Variants in ITPRID1 observed in about 807,000 individuals in gnomAD.
ITPRID1 encodes ITPR interacting domain containing 1.
Under a neutral mutation model 95.4 loss-of-function variants are expected in ITPRID1, and 96 were observed. The ratio of observed to expected loss-of-function variants is 1.01; its 90% CI spans 0.85 to 1.19. The LOEUF (loss-of-function observed/expected upper bound fraction) is 1.19. ITPRID1 is among the 50% of genes most tolerant of loss of function. The pLI is 0.00. For synonymous variants in ITPRID1, 510 were observed against 453.6 expected, an observed-to-expected ratio of 1.12 and a Z score of -1.58; for missense variants, 1,339 against 1,252.9, an observed-to-expected ratio of 1.07 and a Z score of -1.04.
At chr7:31,542,796 T>C (rs1290156570) in intron 1 of ITPRID1, among the ~76,000 whole-genome samples, 1 of 152,170 alleles carries the variant, frequency 6.6e-6, no homozygotes, top group Non-Finnish European at 1.5e-5. Context: ...ATTGCTTGAT[T>C]AGTATATGCA....
intron 9 of ITPRID1, among the ~76,000 whole-genome samples, chr7:31,582,418 T>C (rs1785436289): frequency 6.6e-6 from 1 of 152,146 alleles, no homozygotes; most frequent in East Asian, 1.9e-4. Flanking sequence ...TGTTTTCTTA[T>C]CTTCTTTTTA....
rs955520960 is a variant in ITPRID1, at chr7:31,653,600, T to G, written c.*771T>G. 2.0e-5 allele frequency: 3 copies of G among 152,064 alleles called. No individual in the cohort carries two copies. The highest frequency in any genetic ancestry group is 4.4e-5 in the Non-Finnish European group (3 of 68,004). 9.4% of individuals were successfully genotyped at this position (152,064 alleles called of 1,614,324 possible). Reference sequence around the variant, plus strand: ...CACAAGGAATTTCCCAGTGGGCAAATTGTGAGGGAGGTATTTAGCTTTTAA... The same window carrying G: ...CACAAGGAATTTCCCAGTGGGCAAAGTGTGAGGGAGGTATTTAGCTTTTAA... On this transcript the variant is annotated 3_prime_UTR_variant, in exon 15 of 15. Transcript: ENST00000615280.
chr7:31,599,762 C>T (rs761523396), intron 10 of ITPRID1, among the ~76,000 whole-genome samples: 3 of 150,620 alleles, frequency 2.0e-5, no homozygotes, highest in African/African-American at 4.9e-5. Flanking sequence ...AGTGCAGTGG[C>T]GCGATCTCAG....
At chr7:31,598,398 CTTTT>C (rs869161999) in intron 10 of ITPRID1, among the ~76,000 whole-genome samples, 2 of 106,826 alleles carry the variant, frequency 1.9e-5, no homozygotes, top group Admixed American at 1.0e-4. Context: ...TTTTTTTTTT[CTTTT>C]TTTTTTTTTT....
At chr7:31,548,655 G>A (rs760733020) in intron 1 of ITPRID1, among the ~76,000 whole-genome samples, 1 of 152,118 alleles carries the variant, frequency 6.6e-6, no homozygotes, top group Non-Finnish European at 1.5e-5. Context: ...ACTGCCACAA[G>A]AGCATGGCCC....
At chr7:31,549,565 C>T (rs1176504761) in intron 2 of ITPRID1, 66 bp downstream of exon 2, 1 of 1,170,828 alleles carries the variant, frequency 8.5e-7, no homozygotes, top group African/African-American at 1.5e-5. Flanking sequence ...TTATTTCATA[C>T]TCATTATAGA....
intron 5 of ITPRID1, among the ~76,000 whole-genome samples, chr7:31,561,566 G>T (rs943378783): frequency 1.3e-5 from 2 of 152,216 alleles, no homozygotes; most frequent in Admixed American, 6.5e-5. Flanking sequence ...AACTGCAAAA[G>T]GTTGGACAGC....
chr7:31,523,624 G>A (rs939371459), intron 1 of ITPRID1, among the ~76,000 whole-genome samples: 1 of 152,334 alleles, frequency 6.6e-6, no homozygotes, highest in East Asian at 1.9e-4. Context: ...TCATAATAGT[G>A]AGTGAATTCT....
chr7:31,520,954 A>G (rs1183158910), intron 1 of ITPRID1, among the ~76,000 whole-genome samples: 1 of 151,956 alleles, frequency 6.6e-6, no homozygotes, highest in African/African-American at 2.4e-5. Context: ...GCTTCACATT[A>G]CAAAGGCTGT....
intron 5 of ITPRID1, among the ~76,000 whole-genome samples, chr7:31,565,748 AAAAT>A (rs1244004624): frequency 1.3e-5 from 2 of 152,060 alleles, no homozygotes; most frequent in African/African-American, 2.4e-5. Flanking sequence ...AAAAAAATAA[AAAAT>A]AAAAAAGTAC....
intron 10 of ITPRID1, among the ~76,000 whole-genome samples, chr7:31,624,215 CA>C (rs1788213854): frequency 6.8e-6 from 1 of 146,930 alleles, no homozygotes; most frequent in Admixed American, 6.8e-5. Flanking sequence ...TTTATAGATT[CA>C]ATGCCATCCC....
chr7:31,564,490 G>GA (rs1784728916), intron 5 of ITPRID1, among the ~76,000 whole-genome samples: 1 of 152,020 alleles, frequency 6.6e-6, no homozygotes, highest in South Asian at 2.1e-4. Flanking sequence ...TCCTGGAGGG[G>GA]AAAAAATAGA....
intron 10 of ITPRID1, among the ~76,000 whole-genome samples, chr7:31,588,631 CA>C (rs57245935): frequency 4.7e-5 from 2 of 42,552 alleles, no homozygotes. Context: ...TACTCTGTCT[CA>C]AAAAAAAAAA....
At chr7:31,657,106 T>A (rs1398716963), downstream of ITPRID1, among the ~76,000 whole-genome samples, 2 of 147,374 alleles carry the variant, frequency 1.4e-5, no homozygotes, top group Non-Finnish European at 3.0e-5. Context: ...ATATATAAAA[T>A]ATATATAAAA....
chr7:31,653,212 T>C lies in ITPRID1; in HGVS notation c.*383T>C, dbSNP rs1451825587. The C allele has an allele frequency of 2.7e-5, 5 of 182,858 alleles. No homozygotes were observed. The highest frequency in any genetic ancestry group is 4.6e-5 in the Non-Finnish European group (4 of 86,118). 11.3% of individuals were successfully genotyped at this position (182,858 alleles called of 1,614,324 possible). A position where few individuals can be genotyped will look rare whatever the true frequency, so the allele number is the denominator to read the frequency against. Reference sequence around the variant, plus strand: ...CACACCCAGAAGACAGGTCTGTGCCTTTCTCCAAAGATGATTTTGAGGCCT... The same window carrying C: ...CACACCCAGAAGACAGGTCTGTGCCCTTCTCCAAAGATGATTTTGAGGCCT... On this transcript the variant is annotated 3_prime_UTR_variant, in exon 15 of 15. Coordinates refer to ENST00000615280, the MANE Select transcript of ITPRID1 (RefSeq NM_001257967.3).
chr7:31,554,110 T>G (rs1040551104), intron 3 of ITPRID1, among the ~76,000 whole-genome samples: 1 of 152,168 alleles, frequency 6.6e-6, no homozygotes, highest in African/African-American at 2.4e-5. Context: ...TTGTGGTGAT[T>G]TATATCCAAC....
intron 10 of ITPRID1, among the ~76,000 whole-genome samples, chr7:31,606,731 A>C (rs1187032610): frequency 6.6e-6 from 1 of 152,154 alleles, no homozygotes; most frequent in Non-Finnish European, 1.5e-5. Context: ...GGAAACCGAA[A>C]ATTTACATGG....
intron 10 of ITPRID1, among the ~76,000 whole-genome samples, chr7:31,605,026 T>C (rs1349064327): frequency 1.3e-5 from 2 of 151,916 alleles, no homozygotes; most frequent in Non-Finnish European, 2.9e-5. Flanking sequence ...TAATCCCAGC[T>C]ACTCTGGAGG....
At chr7:31,572,018 C>G in intron 6 of ITPRID1, 84 bp from the exon 7 acceptor site, 1 of 847,122 alleles carries the variant, frequency 1.2e-6, no homozygotes, top group East Asian at 2.6e-5. Context: ...CAAATGTTTG[C>G]TCTGGAAGGA....
Sources: gnomAD v4.1 joint callset for allele counts (sites outside exome capture counted in the v4.1 genomes callset) on GRCh38, gnomAD v4.1.1 for gene constraint, MANE v1.5 for transcripts, NCBI Gene and HGNC (gene_info 2026-07-23, HGNC 2026-07-21) for gene names.